The following ALMS1 variants were observed in gnomAD, a reference collection of about 807,000 sequenced individuals.
ALMS1 encodes centrosome-associated protein ALMS1.
A neutral mutation model predicts 352.2 loss-of-function variants in ALMS1; 271 were observed. That is an observed-to-expected ratio of 0.77 (90% CI 0.70 to 0.85). The LOEUF (loss-of-function observed/expected upper bound fraction) is 0.85, where lower values mean the gene tolerates loss of function less well. Among genes scored for constraint, ALMS1 ranks in the 40% least tolerant of loss-of-function variants. ALMS1 has a pLI of 0.00. For synonymous variants in ALMS1, 1,865 were observed against 1,761.2 expected, an observed-to-expected ratio of 1.06 and a Z score of -1.48; for missense variants, 5,445 against 4,870.7, an observed-to-expected ratio of 1.12 and a Z score of -3.51.
chr2:73,452,665 T>G lies in ALMS1; in HGVS notation c.6138T>G (p.Ser2046Arg), dbSNP rs780566681. 2 of 1,613,874 alleles carry G rather than the reference T, an allele frequency of 1.2e-6. No homozygotes were observed. Among genetic ancestry groups the G allele is most frequent in the African/African-American group, 2.7e-5 (2 of 74,932 alleles). Residue 2046 changes from serine (S) to arginine (R), a missense_variant, in exon 8 of 23, where the codon AGT (serine) becomes AGG (arginine). Coordinates refer to ENST00000613296, the MANE Select transcript of ALMS1 (RefSeq NM_001378454.1). ...CTCCATCCCAGACAGCTTTTCATAG[T>G]TCCTATTCTCAAACAGTAAAGCCCA... ...QKTPSQTAFH[S>R]SYSQTVKPNI... is the part of the protein sequence containing the mutation.
At chr2:73,574,587 T>C (rs1189098563) in intron 16 of ALMS1, among the ~76,000 whole-genome samples, 2 of 152,126 alleles carry the variant, frequency 1.3e-5, no homozygotes, top group African/African-American at 4.8e-5. Context: ...TCAGACAATT[T>C]ATTATAAATA....
At chr2:73,467,641 A>G (rs1371712143) in intron 9 of ALMS1, among the ~76,000 whole-genome samples, 3 of 152,084 alleles carry the variant, frequency 2.0e-5, no homozygotes, top group South Asian at 4.1e-4. Context: ...TGTTCAGTAG[A>G]AGACATGGTC....
intron 12 of ALMS1, among the ~76,000 whole-genome samples, chr2:73,541,159 T>G (rs533648952): frequency 2.0e-5 from 3 of 152,138 alleles, no homozygotes; most frequent in Non-Finnish European, 2.9e-5. Context: ...GAACAGAAAT[T>G]ATAACAAACT....
At position 73,572,313 on chromosome 2, in the gene ALMS1, C is replaced by G; in HGVS notation, c.10436C>G (p.Ser3479Ter). 6.2e-7 allele frequency: 1 copy of G among 1,606,142 alleles called. No homozygotes were observed. The highest frequency in any genetic ancestry group is 8.5e-7 in the Non-Finnish European group (1 of 1,177,032). Residue 3479 changes from serine to a stop codon, truncating the protein, a stop_gained, in exon 16 of 23, where the codon TCA becomes TGA. Coordinates refer to ENST00000613296, the MANE Select transcript of ALMS1 (RefSeq NM_001378454.1). LOFTEE classifies it high-confidence loss of function. Reference sequence around the variant, plus strand: ...AATACTACCCGTTCTGTCTTCAGGTCAGCAAAGTTTTACATTCATCATCCC... The same window carrying G: ...AATACTACCCGTTCTGTCTTCAGGTGAGCAAAGTTTTACATTCATCATCCC... ...FENTTRSVFRSAKFYIHHPVH... is the reference protein window; with the variant it reads ...FENTTRSVFR
chr2:73,497,873 T>A (rs1379793695), intron 10 of ALMS1, among the ~76,000 whole-genome samples: 1 of 152,140 alleles, frequency 6.6e-6, no homozygotes, highest in Non-Finnish European at 1.5e-5. Flanking sequence ...TTTAATGTCT[T>A]CTTTTTCTAG....
chr2:73,459,003 G>A (rs2103807137), intron 9 of ALMS1: 1 of 152,218 alleles, frequency 6.6e-6, no homozygotes, highest in Admixed American at 6.5e-5. Context: ...GAATGTCCCT[G>A]TAGATATTAA....
chr2:73,462,746 A>C (rs1440244444), intron 9 of ALMS1: 1 of 152,218 alleles, frequency 6.6e-6, no homozygotes, highest in African/African-American at 2.4e-5. Flanking sequence ...GGCTCAAAAT[A>C]AAGAGATGGA....
rs142766219 is a variant in ALMS1 at position 73,512,241 on chromosome 2, C to T, written c.9540-7534C>T. ...CTGGGACTACAGGTGCGTACCACCA[C>T]GCCTAGCTAATTTTTATATTTTTAG... is the stretch of plus-strand genomic sequence containing the variant. On this transcript the variant is annotated intron_variant, in intron 10 of 22. Transcript: ENST00000613296. Among the ~76,000 whole-genome samples the T allele has an allele frequency of 2.7e-3, 415 of 152,084 alleles. 3 individuals carry two copies. The highest frequency in any genetic ancestry group is 9.3e-3 in the African/African-American group (386 of 41,500).
intron 10 of ALMS1, among the ~76,000 whole-genome samples, chr2:73,506,699 T>G (rs921560511): frequency 6.6e-6 from 1 of 152,234 alleles, no homozygotes; most frequent in African/African-American, 2.4e-5. Context: ...TGGGGTTCTC[T>G]AAATATACAA....
At chr2:73,539,755 A>G (rs1332788594) in intron 12 of ALMS1, among the ~76,000 whole-genome samples, 1 of 152,254 alleles carries the variant, frequency 6.6e-6, no homozygotes, top group Non-Finnish European at 1.5e-5. Flanking sequence ...CGATTTGATC[A>G]ACTGGCAGAA....
chr2:73,389,115 T>A (rs1344848176), intron 1 of ALMS1, among the ~76,000 whole-genome samples: 1 of 152,212 alleles, frequency 6.6e-6, no homozygotes, highest in African/African-American at 2.4e-5. Flanking sequence ...GTTTTTTGAC[T>A]TTTTAATAAT....
chr2:73,404,611 T>C (rs1485162907), intron 1 of ALMS1, among the ~76,000 whole-genome samples: 1 of 152,202 alleles, frequency 6.6e-6, no homozygotes, highest in Non-Finnish European at 1.5e-5. Context: ...ACCATCCTTG[T>C]ATTCCACGAA....
chr2:73,569,129 C>T (rs1363214755), intron 15 of ALMS1, among the ~76,000 whole-genome samples: 4 of 148,926 alleles, frequency 2.7e-5, no homozygotes, highest in Non-Finnish European at 4.4e-5. Flanking sequence ...GTTCTCCTTC[C>T]TCAGCCACCA....
At chr2:73,520,058 T>C (rs1233019825) in intron 11 of ALMS1, 42 bp downstream of exon 11, 2 of 1,612,778 alleles carry the variant, frequency 1.2e-6, no homozygotes, top group South Asian at 1.1e-5. Context: ...AGACCAGCTC[T>C]TTTGTGTAGT....
At chr2:73,442,457 C>G (rs1041369087) in intron 7 of ALMS1, among the ~76,000 whole-genome samples, 1 of 152,252 alleles carries the variant, frequency 6.6e-6, no homozygotes, top group East Asian at 1.9e-4. Flanking sequence ...ATTGTTCTCT[C>G]TGTTTCTCAA....
Position 73,557,231 on chromosome 2 carries a change from C to T in ALMS1, c.10090C>T (p.Gln3364Ter). 1.2e-6 allele frequency: 2 copies of T among 1,614,084 alleles called. No individual in the cohort carries two copies. Among genetic ancestry groups the T allele is most frequent in the Non-Finnish European group, 1.7e-6 (2 of 1,180,000 alleles). The change falls in exon 14 of 23, where the codon CAA becomes TAA. Residue 3364 changes from glutamine (Q) to a stop codon, truncating the protein, a stop_gained. Transcript: ENST00000613296. LOFTEE classifies it high-confidence loss of function. Reference sequence around the variant, plus strand: ...TGTCGTTATTCCAGATGCCTCAGTTCAAGTGCTAATCACTGGGGATGAGAA... The same window carrying T: ...TGTCGTTATTCCAGATGCCTCAGTTTAAGTGCTAATCACTGGGGATGAGAA... ...LQNENADASV[Q>*]VLITGDENLS...
Position 73,451,971 on chromosome 2 carries a change from C to T in ALMS1, c.5444C>T (p.Ser1815Phe), listed in dbSNP as rs528863432. The change falls in exon 8 of 23, where the codon TCC (serine) becomes TTC (phenylalanine). Residue 1815 changes from serine to phenylalanine, a missense_variant. Ser to Phe is a radical substitution (Grantham distance 155). Coordinates refer to ENST00000613296, the MANE Select transcript of ALMS1 (RefSeq NM_001378454.1). ...SYSHREKPIV[S>F]YQRELPHFTE... ...TCACACAGAGAGAAGCCCATTGTTTCCTACCAGCGAGAGTTGCCGCATTTT... is the reference window on the plus strand; with the variant it reads ...TCACACAGAGAGAAGCCCATTGTTTTCTACCAGCGAGAGTTGCCGCATTTT... 115 of 1,612,730 alleles carry T rather than the reference C, an allele frequency of 7.1e-5. No individual in the cohort carries two copies. Among genetic ancestry groups the T allele is most frequent in the Non-Finnish European group, 9.2e-5 (108 of 1,179,566 alleles).
chr2:73,421,040 T>C (rs1294500835), intron 3 of ALMS1, among the ~76,000 whole-genome samples: 2 of 152,182 alleles, frequency 1.3e-5, no homozygotes, highest in Non-Finnish European at 2.9e-5. Context: ...CACACACAGA[T>C]AATGTTGTAC....
chr2:73,534,740 C>G, intron 11 of ALMS1, 84 bp from the exon 12 acceptor site: 1 of 1,463,604 alleles, frequency 6.8e-7, no homozygotes, highest in South Asian at 1.2e-5. Context: ...TGAACACTGC[C>G]TGAAACATAG....
Sources: allele counts gnomAD v4.1 joint callset (sites outside exome capture counted in the v4.1 genomes callset), GRCh38; gene constraint gnomAD v4.1.1; transcripts MANE v1.5; gene names NCBI Gene and HGNC (gene_info 2026-07-23, HGNC 2026-07-21).